Variants in SEMA5B observed in about 807,000 individuals in gnomAD.
The protein encoded by SEMA5B is semaphorin-5B.
Under a neutral mutation model 135.0 loss-of-function variants are expected in SEMA5B, and 66 were observed. The ratio of observed to expected loss-of-function variants is 0.49; its 90% CI spans 0.40 to 0.60. SEMA5B has a LOEUF of 0.60. SEMA5B is among the 20% of genes least tolerant of loss of function. The pLI, the probability that SEMA5B is intolerant of heterozygous loss-of-function variation, is 0.00. For missense variants in SEMA5B, 1,501 were observed against 1,566.3 expected (o/e 0.96, Z 0.70); for synonymous variants, 690 against 639.5 (o/e 1.08, Z -1.19).
chr3:122,943,555 C>A lies in SEMA5B; in HGVS notation c.329-20G>T, dbSNP rs757142307. 3 of 1,559,414 alleles carry A rather than the reference C, an allele frequency of 1.9e-6. No individual in the cohort carries two copies. The highest frequency in any genetic ancestry group is 1.3e-5 in the African/African-American group (1 of 74,192). On this transcript the variant is annotated intron_variant, in intron 3 of 22. Transcript: ENST00000357599. ...GCAGGTCTGGTGGAGGGAGAGGCAA[C>A]CCTGTGGTTACTGTTGGGCCAGAGG... is the stretch of plus-strand genomic sequence containing the variant.
chr3:122,962,618 G>T (rs1940636009), intron 1 of SEMA5B, among the ~76,000 whole-genome samples: 2 of 152,190 alleles, frequency 1.3e-5, no homozygotes. Flanking sequence ...TTTCCAAAGT[G>T]TTCTTTAAGT....
At chr3:122,926,759 G>T in intron 8 of SEMA5B, 82 bp from the exon 9 acceptor site, 1 of 1,501,430 alleles carries the variant, frequency 6.7e-7, no homozygotes, top group South Asian at 1.3e-5. Flanking sequence ...CAACTACTTC[G>T]GTTTTCCCAG....
intron 1 of SEMA5B, among the ~76,000 whole-genome samples, chr3:123,022,244 G>A (rs888799960): frequency 6.6e-6 from 1 of 152,192 alleles, no homozygotes; most frequent in African/African-American, 2.4e-5. Context: ...ATCCTCAGGG[G>A]ACTGGCAGGA....
intron 1 of SEMA5B, among the ~76,000 whole-genome samples, chr3:122,998,022 G>A (rs1156300290): frequency 6.6e-6 from 1 of 152,210 alleles, no homozygotes; most frequent in African/African-American, 2.4e-5. Flanking sequence ...GCCATGGTGA[G>A]CTCGGTGACA....
chr3:122,945,589 G>C (rs979126486), intron 3 of SEMA5B, among the ~76,000 whole-genome samples: 1 of 152,054 alleles, frequency 6.6e-6, no homozygotes, highest in Non-Finnish European at 1.5e-5. Flanking sequence ...TGTAGGGCAG[G>C]GTCTTCCCTG....
At position 122,961,464 on chromosome 3, in the gene SEMA5B, C is replaced by CT. The variant is rs111407084; in HGVS notation, c.-38-164dup. 1.4e-3 allele frequency among the ~76,000 whole-genome samples: 205 copies of CT among 144,970 alleles called. 1 individual carries two copies. The highest frequency in any genetic ancestry group is 5.1e-3 in the South Asian group (23 of 4,492). On this transcript the variant is annotated intron_variant, in intron 1 of 22. Coordinates refer to ENST00000357599, the MANE Select transcript of SEMA5B (RefSeq NM_001031702.4). ...CACCACAGTAATGGCTTGAAACAAA[C>CT]TTTTTTTTTTTTTTAGGCGGGGTCT...
In SEMA5B at chr3:122,941,626, A is replaced by C. The variant is rs12631650; in HGVS notation, c.428+1810T>G. Among the ~76,000 whole-genome samples the C allele has an allele frequency of 1.3e-3, 201 of 152,392 alleles. 5 individuals are homozygous for C. The East Asian group carries it at 0.037, about 28-fold the overall frequency. ...TGACTTACTACATATATGACATATA[A>C]AATAGTGCCTGGCACATGGCCGGTG... On this transcript the variant is annotated intron_variant, in intron 4 of 22. Coordinates refer to ENST00000357599, the MANE Select transcript of SEMA5B (RefSeq NM_001031702.4).
chr3:123,007,265 C>T (rs577438352), intron 1 of SEMA5B, among the ~76,000 whole-genome samples: 1 of 152,250 alleles, frequency 6.6e-6, no homozygotes, highest in East Asian at 1.9e-4. Flanking sequence ...CACTAGATAG[C>T]CCCTGGGACT....
At chr3:122,947,967 C>T (rs905309825) in intron 3 of SEMA5B, among the ~76,000 whole-genome samples, 9 of 152,052 alleles carry the variant, frequency 5.9e-5, no homozygotes, top group African/African-American at 2.2e-4. Context: ...AATTTACAGA[C>T]CCCTTGGAAT....
chr3:122,911,322 G>T (rs764532035), intron 21 of SEMA5B, 169 bp downstream of exon 21: 1 of 1,518,150 alleles, frequency 6.6e-7, no homozygotes, highest in Non-Finnish European at 8.8e-7. Context: ...CCTAGCTGGG[G>T]GGGGCATGGA....
intron 1 of SEMA5B, among the ~76,000 whole-genome samples, chr3:123,011,836 C>T (rs2107796373): frequency 6.6e-6 from 1 of 152,318 alleles, no homozygotes; most frequent in South Asian, 2.1e-4. Flanking sequence ...TTCCCATCAC[C>T]TCTCCAGGAC....
intron 12 of SEMA5B, among the ~76,000 whole-genome samples, chr3:122,918,059 CTCTT>C (rs1442619526): frequency 3.9e-5 from 6 of 152,162 alleles, no homozygotes; most frequent in African/African-American, 1.2e-4. Flanking sequence ...GGGCATCAAC[CTCTT>C]ACAGGCAGCT....
chr3:122,933,202 CCT>C (rs1939071940), intron 5 of SEMA5B, among the ~76,000 whole-genome samples: 1 of 151,838 alleles, frequency 6.6e-6, no homozygotes, highest in African/African-American at 2.4e-5. Context: ...CGCATGTTTC[CCT>C]CTTTCTTGAT....
chr3:123,019,520 G>A (rs1017276404), intron 1 of SEMA5B, among the ~76,000 whole-genome samples: 1 of 152,164 alleles, frequency 6.6e-6, no homozygotes, highest in African/African-American at 2.4e-5. Flanking sequence ...GCATGGGAGG[G>A]TGAGCCTGCA....
At chr3:122,923,480 G>C in intron 10 of SEMA5B, 137 bp downstream of exon 10, 1 of 940,966 alleles carries the variant, frequency 1.1e-6, no homozygotes, top group African/African-American at 1.6e-5. Flanking sequence ...AACCATTGTG[G>C]ACCCCAGAGA....
chr3:122,935,686 C>CTTTCTTTTTTT (rs1939233868), intron 5 of SEMA5B, among the ~76,000 whole-genome samples: 5 of 70,266 alleles, frequency 7.1e-5, no homozygotes, highest in Admixed American at 1.6e-4. Context: ...TTCTTTCTTT[C>CTTTCTTTTTTT]TTTTTTTTTT....
At chr3:122,987,457 T>C (rs1941738557) in intron 1 of SEMA5B, among the ~76,000 whole-genome samples, 1 of 152,172 alleles carries the variant, frequency 6.6e-6, no homozygotes, top group Non-Finnish European at 1.5e-5. Flanking sequence ...CAAGAGGTCC[T>C]CTCCCTCAAA....
intron 1 of SEMA5B, among the ~76,000 whole-genome samples, chr3:122,982,022 G>T (rs1576388488): frequency 6.6e-6 from 1 of 152,232 alleles, no homozygotes; most frequent in African/African-American, 2.4e-5. Flanking sequence ...ACCGTACAGT[G>T]GAGGGCTTTG....
intron 8 of SEMA5B, 29 bp downstream of exon 8, chr3:122,927,760 TC>T: frequency 7.3e-7 from 1 of 1,364,110 alleles, no homozygotes; most frequent in South Asian, 1.9e-5. Context: ...ACCAGGGGAG[TC>T]CCCACCCCTG....
Sources: allele counts gnomAD v4.1 joint callset (sites outside exome capture counted in the v4.1 genomes callset), GRCh38; gene constraint gnomAD v4.1.1; transcripts MANE v1.5; gene names NCBI Gene and HGNC (gene_info 2026-07-23, HGNC 2026-07-21).